MEAF6: variants seen among roughly 807,000 people sequenced by gnomAD.
MEAF6 encodes the protein MYST/Esa1 associated factor 6.
A neutral mutation model predicts 28.9 loss-of-function variants in MEAF6; 15 were observed. The observed-to-expected ratio is 0.52, with a 90% CI of 0.35 to 0.80. The LOEUF (loss-of-function observed/expected upper bound fraction) is 0.80. Ranked by LOEUF, MEAF6 falls within the 30% of genes least tolerant of loss-of-function variation. MEAF6 has a pLI of 0.01. For missense variants in MEAF6, 178 were observed against 237.5 expected (o/e 0.75, Z 1.65); for synonymous variants, 97 against 88.7 (o/e 1.09, Z -0.53).
Position 37,509,613 on chromosome 1 carries a change from C to T in MEAF6, c.207-71G>A, listed in dbSNP as rs1642598464. ...GGCTCAAGCTGGGGATGCCCCAGGA[C>T]TCATGTTCCATGCAGGAAGCTTCCA... On this transcript the variant is annotated intron_variant, in intron 2 of 6. Transcript: ENST00000296214. 3.0e-6 allele frequency: 4 copies of T among 1,341,068 alleles called. No homozygotes were observed. In the African/African-American group the frequency reaches 5.8e-5, roughly 20 times the overall value. The allele number at this position is 1,341,068 out of a possible 1,614,324, so 83.1% of individuals were successfully genotyped here.
chr1:37,505,397 A>C (rs564528062), intron 4 of MEAF6, among the ~76,000 whole-genome samples: 4 of 152,322 alleles, frequency 2.6e-5, no homozygotes, highest in African/African-American at 9.6e-5. Context: ...GTCCCACCCA[A>C]GGCCCATGGG....
Position 37,502,046 on chromosome 1 carries a change from G to A in MEAF6, c.341-50C>T, listed in dbSNP as rs558669971. ...CCAAATGCATCATCAGTACTCCTCAGGCAATCTGTCCATCAACATGAACAC... is the reference window on the plus strand; with the variant it reads ...CCAAATGCATCATCAGTACTCCTCAAGCAATCTGTCCATCAACATGAACAC... On this transcript the variant is annotated intron_variant, in intron 4 of 6. Coordinates refer to ENST00000296214, the MANE Select transcript of MEAF6 (RefSeq NM_001270875.3). The A allele has an allele frequency of 4.7e-6, 7 of 1,478,636 alleles. No homozygotes were observed. The East Asian group carries it at 1.4e-4, about 29-fold the overall frequency. The allele number at this position is 1,478,636 out of a possible 1,614,324, so 91.6% of individuals were successfully genotyped here. A position where few individuals can be genotyped will look rare whatever the true frequency, so the allele number is the denominator to read the frequency against.
rs1447443419 is a variant in MEAF6 at position 37,514,736 on chromosome 1, T to A, written c.11A>T (p.His4Leu). 10 of 1,505,386 alleles carry A rather than the reference T, an allele frequency of 6.6e-6. No individual in the cohort carries two copies. Among genetic ancestry groups the A allele is most frequent in the Non-Finnish European group, 8.8e-6 (10 of 1,130,242 alleles). The allele number at this position is 1,505,386 out of a possible 1,614,324, so 93.3% of individuals were successfully genotyped here. A position where few individuals can be genotyped will look rare whatever the true frequency, so the allele number is the denominator to read the frequency against. The change falls in exon 1 of 7, where the codon CAC becomes CTC. Residue 4 changes from histidine to leucine, a missense_variant. Physicochemically the swap from His to Leu is moderately conservative, Grantham distance 99. Coordinates refer to ENST00000296214, the MANE Select transcript of MEAF6 (RefSeq NM_001270875.3). MAM[H>L]NKAAPPQIPD... Reference sequence around the variant, plus strand: ...GATCTGCGGCGGCGCCGCCTTGTTGTGCATCGCCATGTTGGGCTGAGGCGG... The same window carrying A: ...GATCTGCGGCGGCGCCGCCTTGTTGAGCATCGCCATGTTGGGCTGAGGCGG...
chr1:37,494,420 T>C (rs1049984874), intron 6 of MEAF6, among the ~76,000 whole-genome samples: 23 of 139,410 alleles, frequency 1.6e-4, no homozygotes, highest in Admixed American at 8.1e-5. Flanking sequence ...GAGGCTGAGG[T>C]GGGAGAATCG....
Position 37,501,981 on chromosome 1 carries a change from C to T in MEAF6, c.356G>A (p.Gly119Glu). Reference sequence around the variant, plus strand: ...GTCTGGAGAAGTGTCACTTTCCGTCCCACTTCCTGGCTCCCCTGAAGGAAA... The same window carrying T: ...GTCTGGAGAAGTGTCACTTTCCGTCTCACTTCCTGGCTCCCCTGAAGGAAA... ...QLIEKREPGSGTESDTSPDFH... is the reference protein window; with the variant it reads ...QLIEKREPGSETESDTSPDFH... Residue 119 changes from glycine (G) to glutamate (E), a missense_variant, in exon 5 of 7, where the codon GGG (glycine) becomes GAG (glutamate). Coordinates refer to ENST00000296214, the MANE Select transcript of MEAF6 (RefSeq NM_001270875.3). The T allele has an allele frequency of 6.2e-7, 1 of 1,604,094 alleles. No homozygotes were observed. Among genetic ancestry groups the T allele is most frequent in the Non-Finnish European group, 8.5e-7 (1 of 1,172,960 alleles).
intron 6 of MEAF6, among the ~76,000 whole-genome samples, chr1:37,494,857 G>C (rs1184978593): frequency 6.6e-6 from 1 of 151,616 alleles, no homozygotes; most frequent in Admixed American, 6.6e-5. Flanking sequence ...TTTAAAAAAA[G>C]ATTCTATTCC....
chr1:37,495,878 T>C lies in MEAF6; in HGVS notation c.567+7A>G. ...AGCCTCTCTGAAGTGGTCCGGCTGATACTTACAGCTCGTGGTTTTTTGTTT... is the reference window on the plus strand; with the variant it reads ...AGCCTCTCTGAAGTGGTCCGGCTGACACTTACAGCTCGTGGTTTTTTGTTT... On this transcript the variant is annotated splice_region_variant and intron_variant, in intron 6 of 6. Transcript: ENST00000296214. 1.2e-6 allele frequency: 2 copies of C among 1,614,058 alleles called. No individual in the cohort carries two copies. Among genetic ancestry groups the C allele is most frequent in the Non-Finnish European group, 8.5e-7 (1 of 1,179,934 alleles).
chr1:37,513,569 T>G, intron 1 of MEAF6, 31 bp from the exon 2 acceptor site: 2 of 1,495,086 alleles, frequency 1.3e-6, no homozygotes, highest in Non-Finnish European at 1.9e-6. Flanking sequence ...ACATGAATGA[T>G]ACCTTTTAAA....
intron 5 of MEAF6, among the ~76,000 whole-genome samples, chr1:37,496,912 C>CGG (rs1360698098): frequency 6.6e-6 from 1 of 152,154 alleles, no homozygotes; most frequent in Non-Finnish European, 1.5e-5. Flanking sequence ...AGATTCCCTT[C>CGG]CTTCAATGGA....
chr1:37,502,455 A>T (rs1237237233), intron 4 of MEAF6, among the ~76,000 whole-genome samples: 3 of 152,068 alleles, frequency 2.0e-5, no homozygotes, highest in Non-Finnish European at 4.4e-5. Context: ...GTGATGTACA[A>T]AAAAAACTAC....
intron 4 of MEAF6, 105 bp downstream of exon 4, chr1:37,509,173 G>T: frequency 9.8e-7 from 1 of 1,020,982 alleles, no homozygotes; most frequent in Non-Finnish European, 1.5e-6. Flanking sequence ...GAAAAGGGAA[G>T]AGCATAAGAA....
At chr1:37,514,351 G>T (rs866129262) in intron 1 of MEAF6, 2 of 135,822 alleles carry the variant, frequency 1.5e-5, no homozygotes, top group African/African-American at 3.0e-5. Flanking sequence ...GCTCACTGAC[G>T]CTCGCCCTTC....
At chr1:37,509,901 C>G (rs1429340075) in intron 2 of MEAF6, among the ~76,000 whole-genome samples, 3 of 151,282 alleles carry the variant, frequency 2.0e-5, no homozygotes, top group Non-Finnish European at 4.4e-5. Flanking sequence ...CTCAGCCTCC[C>G]AAGTAGCCAG....
At chr1:37,496,338 G>A (rs1053615893) in intron 5 of MEAF6, among the ~76,000 whole-genome samples, 3 of 152,064 alleles carry the variant, frequency 2.0e-5, no homozygotes, top group Non-Finnish European at 2.9e-5. Context: ...TTCTGAACAC[G>A]AAACACAAAA....
At chr1:37,508,921 ACT>A (rs1316933276) in intron 4 of MEAF6, among the ~76,000 whole-genome samples, 2 of 152,154 alleles carry the variant, frequency 1.3e-5, no homozygotes, top group African/African-American at 4.8e-5. Flanking sequence ...ACATAGTGAG[ACT>A]CTGTCTCTTT....
chr1:37,499,803 A>C (rs548752630), intron 5 of MEAF6, among the ~76,000 whole-genome samples: 2 of 152,350 alleles, frequency 1.3e-5, no homozygotes, highest in Non-Finnish European at 2.9e-5. Context: ...AATGTGCTAG[A>C]AACTTGCAAG....
At chr1:37,495,493 A>C (rs1235905015) in intron 6 of MEAF6, among the ~76,000 whole-genome samples, 1 of 151,484 alleles carries the variant, frequency 6.6e-6, no homozygotes, top group Non-Finnish European at 1.5e-5. Flanking sequence ...GCTTAAGTCC[A>C]GGAGTTCCAG....
chr1:37,496,650 G>A, intron 5 of MEAF6: 2 of 1,539,762 alleles, frequency 1.3e-6, no homozygotes, highest in South Asian at 1.2e-5. Context: ...TCTCAAAAAG[G>A]CATACTGGTG....
In MEAF6 at chr1:37,493,429, A is replaced by G. The variant is rs2148057300; in HGVS notation, c.*670T>C. On this transcript the variant is annotated 3_prime_UTR_variant, in exon 7 of 7. Coordinates refer to ENST00000296214, the MANE Select transcript of MEAF6 (RefSeq NM_001270875.3). ...TTGAACATGAATCTACTACCAACTCAGAAAGATTTAAGATAGGTAATTACT... is the reference window on the plus strand; with the variant it reads ...TTGAACATGAATCTACTACCAACTCGGAAAGATTTAAGATAGGTAATTACT... 3.6e-6 allele frequency: 1 copy of G among 275,440 alleles called. No homozygotes were observed. Among genetic ancestry groups the G allele is most frequent in the Non-Finnish European group, 6.7e-6 (1 of 148,560 alleles). 17.1% of individuals were successfully genotyped at this position (275,440 alleles called of 1,614,324 possible). A position where few individuals can be genotyped will look rare whatever the true frequency, so the allele number is the denominator to read the frequency against.
Sources: gnomAD v4.1 joint callset for allele counts (sites outside exome capture counted in the v4.1 genomes callset) on GRCh38, gnomAD v4.1.1 for gene constraint, MANE v1.5 for transcripts, NCBI Gene and HGNC (gene_info 2026-07-23, HGNC 2026-07-21) for gene names.